ZNF469: variants seen among roughly 807,000 people sequenced by gnomAD.
The protein encoded by ZNF469 is zinc finger protein 469.
ZNF469 carries 1 observed loss-of-function variant against 1.0 expected under a neutral mutation model. That is an observed-to-expected ratio of 1.00 (90% confidence interval 0.35 to 4.73). The LOEUF (loss-of-function observed/expected upper bound fraction) is 4.73. ZNF469 is among the 30% of genes most tolerant of loss of function. The pLI is 0.16. For missense variants in ZNF469, 6,100 were observed against 5,356.3 expected, an observed-to-expected ratio of 1.14 and a Z score of -4.33; for synonymous variants, 2,703 against 2,363.4, an observed-to-expected ratio of 1.14 and a Z score of -4.17.
At chr16:88,301,376 A>G in the ZNF469 span, among the ~76,000 whole-genome samples, 2 of 152,100 alleles carry the variant, frequency 1.3e-5, no homozygotes, top group Non-Finnish European at 2.9e-5. Context: ...GGATGGTCTC[A>G]ATCTCCTGAC....
At chr16:88,162,661 C>A in the ZNF469 span, among the ~76,000 whole-genome samples, 345 of 121,218 alleles carry the variant, frequency 2.8e-3, 1 homozygote, top group Non-Finnish European at 5.2e-3. Context: ...CTTAACAATT[C>A]TTTTTAGTGC....
chr16:88,111,284 A>G, the ZNF469 span, among the ~76,000 whole-genome samples: 1 of 152,188 alleles, frequency 6.6e-6, no homozygotes, highest in Non-Finnish European at 1.5e-5. Flanking sequence ...TCGTAGATGT[A>G]TATATTCATG....
the ZNF469 span, among the ~76,000 whole-genome samples, chr16:88,262,379 G>A: frequency 1.9e-4 from 29 of 152,314 alleles, no homozygotes; most frequent in East Asian, 2.5e-3. This position sits in a 1 kb window ranked among gnomAD's most constrained non-coding sequence, Gnocchi z 4.3. Flanking sequence ...TTCAGTGACT[G>A]GAGAGGGGCC....
chr16:88,235,531 C>T, the ZNF469 span, among the ~76,000 whole-genome samples: 13 of 152,366 alleles, frequency 8.5e-5, no homozygotes, highest in African/African-American at 3.1e-4. Flanking sequence ...AGCGCTGTCG[C>T]ACTCCTTGAA....
At chr16:88,124,268 C>G in the ZNF469 span, among the ~76,000 whole-genome samples, 3 of 152,122 alleles carry the variant, frequency 2.0e-5, no homozygotes, top group Admixed American at 1.3e-4. Flanking sequence ...AAGTCTCACT[C>G]TGTCACCCAG....
At chr16:88,260,608 A>G in the ZNF469 span, among the ~76,000 whole-genome samples, 1 of 152,108 alleles carries the variant, frequency 6.6e-6, no homozygotes, top group African/African-American at 2.4e-5. This position sits in a 1 kb window ranked among gnomAD's most constrained non-coding sequence, Gnocchi z 4.1. Flanking sequence ...TTGATCTTTG[A>G]CGTTCTTCTC....
At position 88,435,536 on chromosome 16, in the gene ZNF469, G is replaced by A; in HGVS notation, c.8066G>A (p.Gly2689Glu). The change falls in exon 3 of 3, where the codon GGG (glycine) becomes GAG (glutamate). Residue 2689 changes from glycine to glutamate, a missense_variant. Transcript: ENST00000565624. ...GTGGAAGGAGGGCCTGAGGCTGACG[G>A]GGAGCAGCCGCCTCGCTTGGCCACT... is the stretch of plus-strand genomic sequence containing the variant. ...LSVEGGPEAD[G>E]EQPPRLATLG... The A allele has an allele frequency of 1.3e-6, 2 of 1,549,582 alleles. No individual in the cohort carries two copies. Among genetic ancestry groups the A allele is most frequent in the Non-Finnish European group, 1.7e-6 (2 of 1,146,950 alleles).
At chr16:88,395,566 G>A (rs1904636137) in intron 1 of ZNF469, among the ~76,000 whole-genome samples, 1 of 152,068 alleles carries the variant, frequency 6.6e-6, no homozygotes, top group South Asian at 2.1e-4. Flanking sequence ...TGACATACTA[G>A]GCACCATGCT....
At chr16:88,209,469 T>G in the ZNF469 span, among the ~76,000 whole-genome samples, 3 of 151,992 alleles carry the variant, frequency 2.0e-5, no homozygotes, top group Non-Finnish European at 2.9e-5. Context: ...TTTTGTGTAT[T>G]TTTAGTAGAG....
At chr16:88,332,562 C>G in the ZNF469 span, among the ~76,000 whole-genome samples, 116 of 152,358 alleles carry the variant, frequency 7.6e-4, no homozygotes, top group East Asian at 0.014. Flanking sequence ...TTGGGCCATT[C>G]CAGAAGAATA....
the ZNF469 span, among the ~76,000 whole-genome samples, chr16:88,318,036 C>A: frequency 2.6e-5 from 4 of 152,298 alleles, no homozygotes; most frequent in South Asian, 8.3e-4. Context: ...CCTTTAATGA[C>A]AAGTTACTTT....
At chr16:88,225,322 T>G in the ZNF469 span, among the ~76,000 whole-genome samples, 1 of 152,254 alleles carries the variant, frequency 6.6e-6, no homozygotes, top group Admixed American at 6.5e-5. Context: ...ATTGACTCGA[T>G]TCAGAGTCCC....
At position 88,430,482 on chromosome 16, in the gene ZNF469, C is replaced by T. The variant is rs1304885489; in HGVS notation, c.3012C>T (p.Ser1004=). The T allele has an allele frequency of 1.4e-6, 2 of 1,416,112 alleles. No homozygotes were observed. The highest frequency in any genetic ancestry group is 1.5e-5 in the South Asian group (1 of 65,086). The allele number at this position is 1,416,112 out of a possible 1,614,324, so 87.7% of individuals were successfully genotyped here. Residue 1004 remains serine (S), a synonymous_variant, in exon 3 of 3, where the codon AGC becomes AGT. Transcript: ENST00000565624. The part of the protein sequence containing the change: ...PRRPRTQAPG[S]RADPAPRVPR... ...GCCCTAGAACGCAGGCCCCCGGGAG[C>T]CGCGCAGACCCCGCGCCCCGGGTCC...
the ZNF469 span, among the ~76,000 whole-genome samples, chr16:88,165,020 G>A: frequency 6.6e-6 from 1 of 152,242 alleles, no homozygotes; most frequent in Non-Finnish European, 1.5e-5. Flanking sequence ...CCCCACAGGT[G>A]GTGTGCCCCT....
At chr16:88,260,268 C>T in the ZNF469 span, among the ~76,000 whole-genome samples, 1 of 152,134 alleles carries the variant, frequency 6.6e-6, no homozygotes, top group African/African-American at 2.4e-5. This position sits in a 1 kb window ranked among gnomAD's most constrained non-coding sequence, Gnocchi z 4.1. Flanking sequence ...GGTTGACAGG[C>T]GCGAGCCACC....
chr16:88,266,429 G>T, the ZNF469 span, among the ~76,000 whole-genome samples: 36 of 152,262 alleles, frequency 2.4e-4, no homozygotes, highest in African/African-American at 8.7e-4. Context: ...GGAACCAGGA[G>T]CAGGGAAGGT....
At chr16:88,192,291 T>C in the ZNF469 span, 1 of 152,178 alleles carries the variant, frequency 6.6e-6, no homozygotes, top group Non-Finnish European at 1.5e-5. Flanking sequence ...AGGCTGCTGG[T>C]AGAGCCTCAG....
chr16:88,349,674 A>G, the ZNF469 span, among the ~76,000 whole-genome samples: 1 of 93,800 alleles, frequency 1.1e-5, no homozygotes, highest in Non-Finnish European at 2.4e-5. Flanking sequence ...ACTGCACCCA[A>G]GTGCACACAC....
At chr16:88,235,093 G>C in the ZNF469 span, among the ~76,000 whole-genome samples, 273 of 152,264 alleles carry the variant, frequency 1.8e-3, no homozygotes, top group African/African-American at 6.3e-3. Flanking sequence ...GGCTTGGGAA[G>C]GCCCGGCGCT....
Sources: gnomAD v4.1 joint callset for allele counts (sites outside exome capture counted in the v4.1 genomes callset) on GRCh38, gnomAD v4.1.1 for gene constraint, Gnocchi (gnomAD v3.1) non-coding constraint, MANE v1.5 for transcripts, NCBI Gene and HGNC (gene_info 2026-07-23, HGNC 2026-07-21) for gene names.